Variants in ST3GAL3 observed in about 807,000 individuals in gnomAD.
ST3GAL3 encodes ST3 beta-galactoside alpha-2,3-sialyltransferase 3, also known as CMP-N-acetylneuraminate-beta-1,4-galactoside alpha-2,3-sialyltransferase.
In ST3GAL3, 21 loss-of-function variants were observed where a neutral mutation model predicts 50.1. That is an observed-to-expected ratio of 0.42 (90% confidence interval 0.30 to 0.60). The LOEUF (loss-of-function observed/expected upper bound fraction) is 0.60, where lower values mean the gene tolerates loss of function less well. Ranked by LOEUF, ST3GAL3 falls within the 20% of genes least tolerant of loss-of-function variation. The pLI, the probability that ST3GAL3 is intolerant of heterozygous loss-of-function variation, is 0.19. For missense variants in ST3GAL3, 353 were observed against 489.4 expected (o/e 0.72, Z 2.63); for synonymous variants, 183 against 190.0 (o/e 0.96, Z 0.30).
chr1:43,859,716 A>G (rs570438087), intron 5 of ST3GAL3, among the ~76,000 whole-genome samples: 2 of 152,290 alleles, frequency 1.3e-5, no homozygotes, highest in East Asian at 3.9e-4. Flanking sequence ...AAGTCCTCCA[A>G]ATGGGGCAAG....
chr1:43,841,386 A>G (rs2065350346), intron 5 of ST3GAL3: 2 of 152,220 alleles, frequency 1.3e-5, no homozygotes, highest in African/African-American at 2.4e-5. Context: ...AAGCTTTTCC[A>G]TACATCCTCT....
At position 43,735,804 on chromosome 1, in the gene ST3GAL3, T is replaced by C. The variant is rs12057673; in HGVS notation, c.-30-429T>C. Among the ~76,000 whole-genome samples, 250 of 152,354 alleles carry C rather than the reference T, an allele frequency of 1.6e-3. 2 individuals are homozygous for C. The highest frequency in any genetic ancestry group is 5.6e-3 in the African/African-American group (232 of 41,570). Reference sequence around the variant, plus strand: ...ATGCAAAGGGGTTTAAGCAGGGATATTGTCAGATTTTGTGTTATTAAAAGA... The same window carrying C: ...ATGCAAAGGGGTTTAAGCAGGGATACTGTCAGATTTTGTGTTATTAAAAGA... On this transcript the variant is annotated intron_variant, in intron 1 of 11. Coordinates refer to ENST00000347631, the MANE Select transcript of ST3GAL3 (RefSeq NM_006279.5).
chr1:43,920,385 G>T lies in ST3GAL3; in HGVS notation c.745-19G>T. On this transcript the variant is annotated intron_variant, in intron 9 of 11. Coordinates refer to ENST00000347631, the MANE Select transcript of ST3GAL3 (RefSeq NM_006279.5). The stretch of plus-strand genomic sequence containing the variant: ...CTTGCTGTGTGCCTCGTTGAGGCCC[G>T]CTTTTGCTGTGTCCACAGAGTGCAT... The T allele has an allele frequency of 6.2e-7, 1 of 1,614,034 alleles. No individual in the cohort carries two copies. Among genetic ancestry groups the T allele is most frequent in the Admixed American group, 1.7e-5 (1 of 60,026 alleles).
intron 3 of ST3GAL3, chr1:43,801,222 G>A: frequency 1.3e-5 from 6 of 454,776 alleles, no homozygotes; most frequent in Non-Finnish European, 2.7e-5. Flanking sequence ...TGGTGTTCAT[G>A]GGCAATATTT....
Position 43,756,547 on chromosome 1 carries a change from T to TACAC in ST3GAL3, c.118+20180_118+20183dup, listed in dbSNP as rs36004035. ...GAACATAAACTATATATGTATTGTATACACACACACACACACGCACGCACA... is the reference window on the plus strand; with the variant it reads ...GAACATAAACTATATATGTATTGTATACACACACACACACACACACGCACGCACA... On this transcript the variant is annotated intron_variant, in intron 2 of 11. Coordinates refer to ENST00000347631, the MANE Select transcript of ST3GAL3 (RefSeq NM_006279.5). Among the ~76,000 whole-genome samples the TACAC allele has an allele frequency of 1.6e-3, 237 of 150,720 alleles. 2 individuals carry two copies. The highest frequency in any genetic ancestry group is 3.8e-3 in the African/African-American group (155 of 41,078).
intron 1 of ST3GAL3, among the ~76,000 whole-genome samples, chr1:43,718,114 C>G (rs1668326925): frequency 6.6e-6 from 1 of 150,774 alleles, no homozygotes; most frequent in South Asian, 2.1e-4. Context: ...CTCAGGTGAT[C>G]TGCCTGCCTT....
chr1:43,733,187 G>A (rs76011621), intron 1 of ST3GAL3, among the ~76,000 whole-genome samples: 5,402 of 152,058 alleles, frequency 0.036, 133 homozygotes, highest in Non-Finnish European at 0.049. Context: ...TAGAGATGGG[G>A]GTCTCATCTC....
At chr1:43,851,973 A>T (rs574367988) in intron 5 of ST3GAL3, among the ~76,000 whole-genome samples, 20 of 152,134 alleles carry the variant, frequency 1.3e-4, no homozygotes, top group East Asian at 1.9e-4. Flanking sequence ...TTACCTTTTT[A>T]AAAAAAATCC....
chr1:43,779,893 T>A (rs567181025), intron 2 of ST3GAL3, among the ~76,000 whole-genome samples: 1 of 152,342 alleles, frequency 6.6e-6, no homozygotes, highest in Admixed American at 6.5e-5. Flanking sequence ...TTTCTCCATA[T>A]GTTCAGACAT....
chr1:43,925,145 C>T (rs2083689077), intron 11 of ST3GAL3, among the ~76,000 whole-genome samples: 1 of 151,922 alleles, frequency 6.6e-6, no homozygotes, highest in Non-Finnish European at 1.5e-5. Context: ...CAAAAATTAG[C>T]CAGGCGTGGT....
chr1:43,828,453 GA>G (rs1208515982), intron 4 of ST3GAL3, among the ~76,000 whole-genome samples: 1 of 151,706 alleles, frequency 6.6e-6, no homozygotes, highest in Non-Finnish European at 1.5e-5. Context: ...TTAAGTGAAT[GA>G]AAAAACAAGC....
At chr1:43,711,327 T>C (rs1402092589) in intron 1 of ST3GAL3, among the ~76,000 whole-genome samples, 1 of 152,260 alleles carries the variant, frequency 6.6e-6, no homozygotes, top group Non-Finnish European at 1.5e-5. Flanking sequence ...AAGATAGTGG[T>C]CAAGTGGACA....
At chr1:43,830,039 G>A (rs546748176) in intron 4 of ST3GAL3, among the ~76,000 whole-genome samples, 2 of 73,362 alleles carry the variant, frequency 2.7e-5, no homozygotes, top group South Asian at 9.3e-4. Context: ...ACAGGGTCTT[G>A]CTTTGTCGCC....
chr1:43,899,149 T>G lies in ST3GAL3; in HGVS notation c.462-19T>G. On this transcript the variant is annotated intron_variant, in intron 7 of 11. Coordinates refer to ENST00000347631, the MANE Select transcript of ST3GAL3 (RefSeq NM_006279.5). The surrounding 1 kb of genome is among the most constrained non-coding windows in gnomAD (Gnocchi z 5.4). ...GTGGGCAGCTCTCTGTACAGAGGTCTCCGCCTCTCTCCCCTCAGCCTCCGC... is the reference window on the plus strand; with the variant it reads ...GTGGGCAGCTCTCTGTACAGAGGTCGCCGCCTCTCTCCCCTCAGCCTCCGC... 6.2e-7 allele frequency: 1 copy of G among 1,614,038 alleles called. No homozygotes were observed. Among genetic ancestry groups the G allele is most frequent in the Non-Finnish European group, 8.5e-7 (1 of 1,180,012 alleles).
At chr1:43,837,851 C>A (rs1248965637) in intron 4 of ST3GAL3, among the ~76,000 whole-genome samples, 1 of 152,118 alleles carries the variant, frequency 6.6e-6, no homozygotes, top group Non-Finnish European at 1.5e-5. Flanking sequence ...TTTACAGATA[C>A]CATCCAGGGG....
chr1:43,874,528 G>C (rs1431528979), intron 5 of ST3GAL3, among the ~76,000 whole-genome samples: 1 of 152,196 alleles, frequency 6.6e-6, no homozygotes, highest in South Asian at 2.1e-4. Context: ...CCTTAAAAAA[G>C]AAGAGAGAAG....
intron 9 of ST3GAL3, among the ~76,000 whole-genome samples, chr1:43,901,570 G>T (rs754071471): frequency 1.9e-4 from 29 of 152,252 alleles, no homozygotes; most frequent in Non-Finnish European, 3.5e-4. Context: ...TAGAGTCGGA[G>T]AACTCACTAT....
At chr1:43,818,489 A>G (rs37464) in intron 4 of ST3GAL3, among the ~76,000 whole-genome samples, 129,590 of 152,166 alleles carry the variant, frequency 0.85, 55,467 homozygotes, top group East Asian at 0.92. Context: ...GAAGACATAC[A>G]CATTCCTCAC....
In ST3GAL3 at chr1:43,899,815, AC is replaced by A; in HGVS notation, c.744+89del. The A allele has an allele frequency of 7.8e-7, 1 of 1,273,980 alleles. No homozygotes were observed. Among genetic ancestry groups the A allele is most frequent in the Non-Finnish European group, 1.1e-6 (1 of 884,084 alleles). The allele number at this position is 1,273,980 out of a possible 1,614,324, so 78.9% of individuals were successfully genotyped here. A position where few individuals can be genotyped will look rare whatever the true frequency, so the allele number is the denominator to read the frequency against. On this transcript the variant is annotated intron_variant, in intron 9 of 11. Transcript: ENST00000347631. This position sits in a 1 kb window ranked among gnomAD's most constrained non-coding sequence, Gnocchi z 5.4. Reference sequence around the variant, plus strand: ...TCCCGCCCCTTGAATGCAGCAAAGAACGAGTAAGAACCTTCAAAGGAAACAT... The same window carrying A: ...TCCCGCCCCTTGAATGCAGCAAAGAAGAGTAAGAACCTTCAAAGGAAACAT...
Sources: allele counts gnomAD v4.1 joint callset (sites outside exome capture counted in the v4.1 genomes callset), GRCh38; gene constraint gnomAD v4.1.1; non-coding constraint Gnocchi (gnomAD v3.1); transcripts MANE v1.5; gene names NCBI Gene and HGNC (gene_info 2026-07-23, HGNC 2026-07-21).